CTNND2: variants seen among roughly 807,000 people sequenced by gnomAD.
The protein encoded by CTNND2 is catenin delta-2.
In CTNND2, 22 loss-of-function variants were observed where a neutral mutation model predicts 144.4. The observed-to-expected ratio is 0.15, with a 90% confidence interval of 0.11 to 0.22. The LOEUF is 0.22. Among genes scored for constraint, CTNND2 ranks in the 10% least tolerant of loss-of-function variants. The pLI is 1.00. For synonymous variants in CTNND2, 751 were observed against 695.6 expected, an observed-to-expected ratio of 1.08 and a Z score of -1.25; for missense variants, 1,353 against 1,618.8, an observed-to-expected ratio of 0.84 and a Z score of 2.82.
chr5:11,541,848 C>CCG (rs1554080472), intron 3 of CTNND2, among the ~76,000 whole-genome samples: 7 of 147,680 alleles, frequency 4.7e-5, no homozygotes, highest in African/African-American at 1.8e-4. Flanking sequence ...ACCCCCCCCC[C>CCG]CCGGCCAAAA....
At chr5:11,852,999 T>A (rs1795088008) in intron 1 of CTNND2, among the ~76,000 whole-genome samples, 1 of 152,110 alleles carries the variant, frequency 6.6e-6, no homozygotes, top group Non-Finnish European at 1.5e-5. Flanking sequence ...TCAAACCTCT[T>A]CCAAATAAAA....
intron 12 of CTNND2, 120 bp from the exon 13 acceptor site, chr5:11,117,687 C>T (rs1009687593): frequency 2.7e-6 from 2 of 750,500 alleles, no homozygotes; most frequent in Non-Finnish European, 4.6e-6. Flanking sequence ...TTTCAGAATG[C>T]TTATCAAGAA....
rs1302247335 is a variant in CTNND2, at chr5:11,744,857, C to T, written c.38-12585G>A. 3.3e-5 allele frequency among the ~76,000 whole-genome samples: 5 copies of T among 152,200 alleles called. No individual in the cohort carries two copies. In the East Asian group the frequency reaches 9.7e-4, roughly 29 times the overall value. On this transcript the variant is annotated intron_variant, in intron 1 of 21. Transcript: ENST00000304623. ...CACCTCCCAGGCTCTGGTGATCCTT[C>T]CACCTCAGCCTGGGACTACAGGCAT...
rs1333655394 is a variant in CTNND2, at chr5:11,903,995, T to G, written c.-142A>C. 4.0e-6 allele frequency: 4 copies of G among 1,003,800 alleles called. No individual in the cohort carries two copies. The highest frequency in any genetic ancestry group is 3.1e-4 in the Middle Eastern group (1 of 3,230). 62.2% of individuals were successfully genotyped at this position (1,003,800 alleles called of 1,614,324 possible). On this transcript the variant is annotated 5_prime_UTR_variant, in exon 1 of 22. Coordinates refer to ENST00000304623, the MANE Select transcript of CTNND2 (RefSeq NM_001332.4). This position sits in a 1 kb window ranked among gnomAD's most constrained non-coding sequence, Gnocchi z 5.4. ...AGCGCGGCCGCGGGACAAGGGATGC[T>G]GGCGGGCGGCAGGGGCGAGCGCCGC... is the stretch of plus-strand genomic sequence containing the variant.
intron 9 of CTNND2, among the ~76,000 whole-genome samples, chr5:11,310,235 G>C (rs1371675641): frequency 6.6e-6 from 1 of 151,998 alleles, no homozygotes; most frequent in African/African-American, 2.4e-5. Flanking sequence ...CTGCTCATGG[G>C]GTCTGACAGC....
intron 12 of CTNND2, among the ~76,000 whole-genome samples, chr5:11,151,435 T>C (rs1757749802): frequency 6.6e-6 from 1 of 152,260 alleles, no homozygotes; most frequent in Admixed American, 6.5e-5. Flanking sequence ...TAATGTTTTA[T>C]AGAAATATCT....
At position 11,439,793 on chromosome 5, in the gene CTNND2, TATC is replaced by T. The variant is rs1241862337; in HGVS notation, c.288-27727_288-27725del. Among the ~76,000 whole-genome samples, 81 of 134,830 alleles carry T rather than the reference TATC, an allele frequency of 6.0e-4. 1 individual carries two copies. The South Asian group carries it at 0.02, about 34-fold the overall frequency. 88.5% of individuals were successfully genotyped at this position (134,830 alleles called of 152,430 possible). Reference sequence around the variant, plus strand: ...CTATCTATCTATCTATCTATCTATCTATCTATCTTATATATATGTGTGTATATA... The same window carrying T: ...CTATCTATCTATCTATCTATCTATCTTATCTTATATATATGTGTGTATATA... On this transcript the variant is annotated intron_variant, in intron 3 of 21. Coordinates refer to ENST00000304623, the MANE Select transcript of CTNND2 (RefSeq NM_001332.4).
chr5:11,235,668 T>G (rs1008632145), intron 10 of CTNND2, among the ~76,000 whole-genome samples: 2 of 152,184 alleles, frequency 1.3e-5, no homozygotes, highest in Non-Finnish European at 2.9e-5. Context: ...ATATCAAATG[T>G]ACCTTGGGAC....
At chr5:11,520,641 T>G (rs1214997828) in intron 3 of CTNND2, among the ~76,000 whole-genome samples, 2 of 152,178 alleles carry the variant, frequency 1.3e-5, no homozygotes, top group African/African-American at 4.8e-5. Flanking sequence ...TTCTTTTGAG[T>G]CCTCCAGGAT....
chr5:11,808,045 T>G (rs538676019), intron 1 of CTNND2, among the ~76,000 whole-genome samples: 1 of 152,202 alleles, frequency 6.6e-6, no homozygotes, highest in African/African-American at 2.4e-5. Context: ...ATATGAGAAT[T>G]TGAATGGGAT....
chr5:11,812,668 G>A lies in CTNND2; in HGVS notation c.38-80396C>T, dbSNP rs531323857. ...AATAACAGTAAAGCTGAGCACTTTC[G>A]TTTGATGATTAAAGAAAAAAGGTTC... On this transcript the variant is annotated intron_variant, in intron 1 of 21. Coordinates refer to ENST00000304623, the MANE Select transcript of CTNND2 (RefSeq NM_001332.4). Among the ~76,000 whole-genome samples, 10 of 152,210 alleles carry A rather than the reference G, an allele frequency of 6.6e-5. 1 individual carries two copies. The highest frequency in any genetic ancestry group is 2.1e-4 in the South Asian group (1 of 4,822).
intron 3 of CTNND2, among the ~76,000 whole-genome samples, chr5:11,538,739 GA>G (rs1424850198): frequency 6.6e-6 from 1 of 152,060 alleles, no homozygotes; most frequent in Non-Finnish European, 1.5e-5. Context: ...ATTTTTTTGT[GA>G]AGAGCTCTTT....
intron 2 of CTNND2, among the ~76,000 whole-genome samples, chr5:11,687,867 T>A (rs1178389170): frequency 6.6e-6 from 1 of 152,110 alleles, no homozygotes; most frequent in Non-Finnish European, 1.5e-5. Context: ...GAAAGTGGCA[T>A]TGGACCAAAG....
At chr5:11,200,959 G>A (rs534496522) in intron 10 of CTNND2, among the ~76,000 whole-genome samples, 12 of 152,268 alleles carry the variant, frequency 7.9e-5, no homozygotes, top group Middle Eastern at 3.4e-3. Flanking sequence ...GATTACAGGC[G>A]TGAGCCACCG....
At position 11,199,538 on chromosome 5, in the gene CTNND2, T is replaced by C; in HGVS notation, c.1885A>G (p.Lys629Glu). The change falls in exon 11 of 22, where the codon AAA becomes GAA. Residue 629 changes from lysine (K) to glutamate (E), a missense_variant. Physicochemically the swap from Lys to Glu is moderately conservative, Grantham distance 56 (BLOSUM62 1). Coordinates refer to ENST00000304623, the MANE Select transcript of CTNND2 (RefSeq NM_001332.4). ...LVYGKANDDN[K>E]IALKNCGGIP... is the part of the protein sequence containing the mutation. ...CCACCACAGTTTTTCAGGGCAATTT[T>C]GTTATCATCGTTGGCCTTCCCATAC... is the stretch of plus-strand genomic sequence containing the variant. 1 of 1,614,238 alleles carries C rather than the reference T, an allele frequency of 6.2e-7. No homozygotes were observed. The highest frequency in any genetic ancestry group is 8.5e-7 in the Non-Finnish European group (1 of 1,180,044).
At chr5:11,366,984 T>C (rs761415334) in intron 7 of CTNND2, among the ~76,000 whole-genome samples, 1 of 152,214 alleles carries the variant, frequency 6.6e-6, no homozygotes, top group Admixed American at 6.5e-5. Context: ...AGTCTACCTA[T>C]GTGGATATCA....
chr5:11,205,979 T>C (rs1290859531), intron 10 of CTNND2, among the ~76,000 whole-genome samples: 1 of 152,212 alleles, frequency 6.6e-6, no homozygotes, highest in Non-Finnish European at 1.5e-5. Context: ...ACCTACCTCA[T>C]AGGTTGTTTT....
Position 11,354,697 on chromosome 5 carries a change from A to G in CTNND2, c.1373-8070T>C, listed in dbSNP as rs574632172. The stretch of plus-strand genomic sequence containing the variant: ...CCCTTTAAGTGTGGACAAATTATCC[A>G]GACAGAAATCAATAAGGAAACATCA... On this transcript the variant is annotated intron_variant, in intron 8 of 21. Transcript: ENST00000304623. Among the ~76,000 whole-genome samples, 5 of 152,292 alleles carry G rather than the reference A, an allele frequency of 3.3e-5. No homozygotes were observed. In the East Asian group the frequency reaches 9.7e-4, roughly 29 times the overall value.
At chr5:11,234,030 G>T (rs1377876682) in intron 10 of CTNND2, among the ~76,000 whole-genome samples, 1 of 152,096 alleles carries the variant, frequency 6.6e-6, no homozygotes, top group African/African-American at 2.4e-5. Flanking sequence ...AGCATGGAGG[G>T]CTGCCATCAA....
Sources: gnomAD v4.1 joint callset for allele counts (sites outside exome capture counted in the v4.1 genomes callset) on GRCh38, gnomAD v4.1.1 for gene constraint, Gnocchi (gnomAD v3.1) non-coding constraint, MANE v1.5 for transcripts, NCBI Gene and HGNC (gene_info 2026-07-23, HGNC 2026-07-21) for gene names.